Variants in ZNF461 observed in about 807,000 individuals in gnomAD.
ZNF461 encodes the protein zinc finger protein 461.
A neutral mutation model predicts 18.3 loss-of-function variants in ZNF461; 16 were observed. That is an observed-to-expected ratio of 0.88 (90% CI 0.59 to 1.33). The LOEUF is 1.33. ZNF461 is among the 40% of genes most tolerant of loss of function. The pLI is 0.00. For missense variants in ZNF461, 595 were observed against 669.9 expected (o/e 0.89, Z 1.23); for synonymous variants, 179 against 216.9 (o/e 0.83, Z 1.54).
Position 36,666,473 on chromosome 19 carries a change from C to T in ZNF461, c.-81+217G>A, listed in dbSNP as rs73929168. 7.1e-3 allele frequency among the ~76,000 whole-genome samples: 1,086 copies of T among 152,228 alleles called. 12 individuals carry two copies. Among genetic ancestry groups the T allele is most frequent in the African/African-American group, 0.024 (1,010 of 41,528 alleles). On this transcript the variant is annotated intron_variant, in intron 1 of 5. Transcript: ENST00000588268. ...TCACAATCATGGTCACAGTCACCTA[C>T]AAACCCCATTTACACAAATGATCAG...
intron 5 of ZNF461, among the ~76,000 whole-genome samples, chr19:36,642,146 G>A (rs7507224): frequency 0.13 from 19,446 of 152,056 alleles, 2,043 homozygotes; most frequent in East Asian, 0.56. Flanking sequence ...TGCCCAGGCC[G>A]GTCTTGAACT....
At chr19:36,649,939 G>C (rs1055930473) in intron 4 of ZNF461, among the ~76,000 whole-genome samples, 2 of 152,134 alleles carry the variant, frequency 1.3e-5, no homozygotes, top group Non-Finnish European at 2.9e-5. Flanking sequence ...CACTTTGGGA[G>C]GCCAAGGTGG....
In ZNF461 at chr19:36,638,831, G is replaced by A. The variant is rs2037349289; in HGVS notation, c.1514C>T (p.Ala505Val). Reference protein sequence around the residue: ...KPYECKECGKAFSYHSSFSHH... With the variant: ...KPYECKECGKVFSYHSSFSHH... The stretch of plus-strand genomic sequence containing the variant: ...TGAGAAGCTTGAATGATAGCTAAAG[G>A]CCTTCCCACATTCCTTACATTCATA... Residue 505 changes from alanine (A) to valine (V), a missense_variant, in exon 6 of 6, where the codon GCC becomes GTC. Coordinates refer to ENST00000588268, the MANE Select transcript of ZNF461 (RefSeq NM_153257.5). 6.2e-7 allele frequency: 1 copy of A among 1,614,008 alleles called. No individual in the cohort carries two copies.
At chr19:36,640,785 G>T (rs1336588975) in intron 5 of ZNF461, among the ~76,000 whole-genome samples, 1 of 152,164 alleles carries the variant, frequency 6.6e-6, no homozygotes, top group Non-Finnish European at 1.5e-5. Context: ...CTGGGTTATA[G>T]ACATTGTATC....
chr19:36,652,000 G>A (rs936190965), intron 4 of ZNF461, among the ~76,000 whole-genome samples: 1 of 152,134 alleles, frequency 6.6e-6, no homozygotes, highest in African/African-American at 2.4e-5. Flanking sequence ...CAACAGAACA[G>A]AGAATGCAGA....
chr19:36,644,458 G>T (rs536411951), intron 4 of ZNF461, among the ~76,000 whole-genome samples: 1 of 147,372 alleles, frequency 6.8e-6, no homozygotes, highest in Non-Finnish European at 1.5e-5. Flanking sequence ...TAGTAGAGAT[G>T]GGGTTTCACC....
chr19:36,645,379 C>T (rs1265799318), intron 4 of ZNF461, among the ~76,000 whole-genome samples: 1 of 152,086 alleles, frequency 6.6e-6, no homozygotes, highest in Non-Finnish European at 1.5e-5. Flanking sequence ...TTAATAAATA[C>T]TTTTTTCTAT....
chr19:36,664,362 C>T (rs1245611871), intron 2 of ZNF461, among the ~76,000 whole-genome samples: 1 of 152,108 alleles, frequency 6.6e-6, no homozygotes, highest in Non-Finnish European at 1.5e-5. Flanking sequence ...CTCAGATGGG[C>T]AGATCACTTG....
At chr19:36,663,434 C>A (rs1568663440) in intron 2 of ZNF461, among the ~76,000 whole-genome samples, 2 of 151,028 alleles carry the variant, frequency 1.3e-5, no homozygotes, top group African/African-American at 4.9e-5. Context: ...TCTGAAAGGT[C>A]TTTTAATAGA....
chr19:36,639,221 TGTATA>T lies in ZNF461; in HGVS notation c.1119_1123del (p.Ile374SerfsTer7), dbSNP rs2037365643. ...TTTCTCACCAGTATGAATTCTCTGATGTATAGTAAGATGTGAGCGATGCCTAAAAG... is the reference window on the plus strand; with the variant it reads ...TTTCTCACCAGTATGAATTCTCTGATGTAAGATGTGAGCGATGCCTAAAAG... On this transcript the variant is annotated frameshift_variant, in exon 6 of 6. Transcript: ENST00000588268. LOFTEE classifies it low-confidence loss of function (END_TRUNC). 6.2e-7 allele frequency: 1 copy of T among 1,614,044 alleles called. No individual in the cohort carries two copies. Among genetic ancestry groups the T allele is most frequent in the Non-Finnish European group, 8.5e-7 (1 of 1,180,028 alleles).
intron 4 of ZNF461, among the ~76,000 whole-genome samples, chr19:36,644,321 T>C (rs1214012627): frequency 6.6e-6 from 1 of 152,034 alleles, no homozygotes; most frequent in African/African-American, 2.4e-5. Flanking sequence ...CGGGCTGGAG[T>C]GCAATGGTGC....
intron 5 of ZNF461, among the ~76,000 whole-genome samples, chr19:36,640,476 G>A (rs908673173): frequency 2.0e-5 from 3 of 152,080 alleles, no homozygotes; most frequent in Non-Finnish European, 4.4e-5. Context: ...TTGAACCCAT[G>A]GCTTTTTATT....
intron 3 of ZNF461, among the ~76,000 whole-genome samples, chr19:36,657,053 C>T (rs2037735398): frequency 1.3e-5 from 2 of 151,832 alleles, no homozygotes; most frequent in Non-Finnish European, 2.9e-5. Flanking sequence ...CTCCTGGCCT[C>T]AGGTGATCCA....
intron 4 of ZNF461, among the ~76,000 whole-genome samples, chr19:36,652,810 C>A (rs1404298748): frequency 6.6e-6 from 1 of 152,082 alleles, no homozygotes; most frequent in Non-Finnish European, 1.5e-5. Context: ...CAAAAAAAGA[C>A]AAATTACAGA....
intron 4 of ZNF461, among the ~76,000 whole-genome samples, chr19:36,645,610 C>T (rs1290690346): frequency 6.6e-6 from 1 of 152,122 alleles, no homozygotes; most frequent in African/African-American, 2.4e-5. Flanking sequence ...AGTCAGCTAA[C>T]TAACCTATTC....
At chr19:36,656,276 C>G (rs1458239884) in intron 4 of ZNF461, among the ~76,000 whole-genome samples, 172 bp downstream of exon 4, 1 of 152,200 alleles carries the variant, frequency 6.6e-6, no homozygotes, top group Non-Finnish European at 1.5e-5. Flanking sequence ...TGAGCCACCG[C>G]GCCCGGCCTA....
intron 4 of ZNF461, among the ~76,000 whole-genome samples, chr19:36,648,510 T>A (rs560986977): frequency 2.6e-5 from 4 of 152,280 alleles, no homozygotes; most frequent in African/African-American, 7.2e-5. Flanking sequence ...GTTTTTTTTT[T>A]AAATTAACCA....
chr19:36,642,766 G>T lies in ZNF461; in HGVS notation c.301+1028C>A, dbSNP rs543469813. On this transcript the variant is annotated intron_variant, in intron 5 of 5. Coordinates refer to ENST00000588268, the MANE Select transcript of ZNF461 (RefSeq NM_153257.5). The stretch of plus-strand genomic sequence containing the variant: ...TGTGTGTGTGTGTTTTTGGTGGGGG[G>T]GGGTGGGGCACAGAGTCTTGCTCTG... Among the ~76,000 whole-genome samples the T allele has an allele frequency of 4.3e-4, 65 of 150,448 alleles. 1 individual carries two copies. Among genetic ancestry groups the T allele is most frequent in the African/African-American group, 1.3e-3 (55 of 40,774 alleles).
intron 4 of ZNF461, among the ~76,000 whole-genome samples, chr19:36,654,152 C>CT (rs992987559): frequency 1.3e-5 from 2 of 151,870 alleles, no homozygotes; most frequent in African/African-American, 4.8e-5. Flanking sequence ...AATAAAAAGT[C>CT]TTTTTTTAAA....
Sources: gnomAD v4.1 joint callset for allele counts (sites outside exome capture counted in the v4.1 genomes callset) on GRCh38, gnomAD v4.1.1 for gene constraint, MANE v1.5 for transcripts, NCBI Gene and HGNC (gene_info 2026-07-23, HGNC 2026-07-21) for gene names.